The following AGTPBP1 variants were observed in gnomAD, a reference collection of about 807,000 sequenced individuals.
The protein encoded by AGTPBP1 is ATP/GTP binding carboxypeptidase 1.
AGTPBP1 carries 70 observed loss-of-function variants against 143.9 expected under a neutral mutation model. That is an observed-to-expected ratio of 0.49 (90% CI 0.40 to 0.59). The LOEUF is 0.59. Among genes scored for constraint, AGTPBP1 ranks in the 20% least tolerant of loss-of-function variants. AGTPBP1 has a pLI of 0.00. For synonymous variants in AGTPBP1, 463 were observed against 500.2 expected, an observed-to-expected ratio of 0.93 and a Z score of 0.99; for missense variants, 1,229 against 1,464.5, an observed-to-expected ratio of 0.84 and a Z score of 2.62.
intron 17 of AGTPBP1, among the ~76,000 whole-genome samples, chr9:85,611,233 G>T (rs965149175): frequency 6.1e-5 from 6 of 98,798 alleles, no homozygotes; most frequent in East Asian, 2.7e-4. Context: ...AAAAAATAAA[G>T]AAAACAATAA....
At chr9:85,706,218 T>C (rs1005439521) in intron 2 of AGTPBP1, among the ~76,000 whole-genome samples, 18 of 150,642 alleles carry the variant, frequency 1.2e-4, no homozygotes, top group African/African-American at 1.5e-4. Flanking sequence ...ATGAGACATA[T>C]AGAAAATAAA....
At chr9:85,578,784 T>C in intron 24 of AGTPBP1, 136 bp downstream of exon 24, 1 of 892,948 alleles carries the variant, frequency 1.1e-6, no homozygotes, top group Non-Finnish European at 1.6e-6. Context: ...TAAGACTGCA[T>C]ATGATTCCAT....
Position 85,655,125 on chromosome 9 carries a change from G to A in AGTPBP1, c.1087+18C>T, listed in dbSNP as rs764674272. On this transcript the variant is annotated intron_variant, in intron 11 of 25. Coordinates refer to ENST00000357081, the MANE Select transcript of AGTPBP1 (RefSeq NM_001330701.2). ...TTCTAAGAACCCACAAAAAGCAGCA[G>A]TGACCCTGTGATCCTACCTTCAGGA... 1.8e-5 allele frequency: 28 copies of A among 1,571,396 alleles called. No homozygotes were observed. Among genetic ancestry groups the A allele is most frequent in the Non-Finnish European group, 2.2e-5 (25 of 1,160,550 alleles).
At chr9:85,771,651 A>C in the AGTPBP1 span, among the ~76,000 whole-genome samples, 5 of 145,926 alleles carry the variant, frequency 3.4e-5, no homozygotes, top group South Asian at 4.3e-4. Flanking sequence ...GACATAGATA[A>C]CTTTTTTTTT....
chr9:85,759,206 G>C, the AGTPBP1 span, among the ~76,000 whole-genome samples: 1 of 152,152 alleles, frequency 6.6e-6, no homozygotes, highest in African/African-American at 2.4e-5. Context: ...ATATTAGACA[G>C]ATCCATGAGA....
chr9:85,797,028 G>A, the AGTPBP1 span, among the ~76,000 whole-genome samples: 1 of 152,012 alleles, frequency 6.6e-6, no homozygotes, highest in Admixed American at 6.6e-5. Context: ...CTCGTGATCT[G>A]CCCGCCTCGG....
chr9:85,771,306 T>TCC, the AGTPBP1 span, among the ~76,000 whole-genome samples: 1 of 152,074 alleles, frequency 6.6e-6, no homozygotes, highest in Admixed American at 6.6e-5. Flanking sequence ...TGAGATCCTA[T>TCC]CTTTACAAAA....
At chr9:85,791,323 G>A in the AGTPBP1 span, among the ~76,000 whole-genome samples, 8,200 of 151,208 alleles carry the variant, frequency 0.054, 730 homozygotes, top group African/African-American at 0.18. Flanking sequence ...GCAGTGAGCC[G>A]AGATCGCGCC....
chr9:85,704,999 A>G (rs73481003), intron 2 of AGTPBP1, among the ~76,000 whole-genome samples: 3,784 of 152,196 alleles, frequency 0.025, 161 homozygotes, highest in African/African-American at 0.087. Context: ...AGTATCCAAA[A>G]TAAAAGAGAG....
chr9:85,585,229 T>G (rs554494878), intron 23 of AGTPBP1, among the ~76,000 whole-genome samples: 18 of 152,328 alleles, frequency 1.2e-4, no homozygotes, highest in Non-Finnish European at 2.4e-4. Flanking sequence ...GAGTTAATAG[T>G]GCAAGCCAAC....
chr9:85,746,396 G>T (rs1824580594), upstream of AGTPBP1, among the ~76,000 whole-genome samples: 1 of 152,042 alleles, frequency 6.6e-6, no homozygotes, highest in South Asian at 2.1e-4. Flanking sequence ...GACAGCATAG[G>T]CATATCATTG....
chr9:85,779,718 G>C, the AGTPBP1 span, among the ~76,000 whole-genome samples: 2 of 151,982 alleles, frequency 1.3e-5, no homozygotes, highest in African/African-American at 4.8e-5. Flanking sequence ...AATTAAGCCG[G>C]GCATGGTGGC....
chr9:85,781,770 A>C, the AGTPBP1 span, among the ~76,000 whole-genome samples: 1 of 152,224 alleles, frequency 6.6e-6, no homozygotes, highest in African/African-American at 2.4e-5. Flanking sequence ...TTTATATATC[A>C]TGACCCCTGG....
chr9:85,802,113 C>G, the AGTPBP1 span, among the ~76,000 whole-genome samples: 373 of 150,798 alleles, frequency 2.5e-3, 1 homozygote, highest in African/African-American at 4.0e-3. Context: ...GTAACTACAG[C>G]TCCTCCTCTA....
intron 25 of AGTPBP1, among the ~76,000 whole-genome samples, chr9:85,552,697 C>A (rs1473671427): frequency 1.3e-5 from 2 of 152,202 alleles, no homozygotes; most frequent in African/African-American, 2.4e-5. Context: ...AACAGTAAAT[C>A]AACCTTTCTC....
intron 25 of AGTPBP1, among the ~76,000 whole-genome samples, chr9:85,566,311 G>A (rs1025677773): frequency 1.3e-5 from 2 of 151,962 alleles, no homozygotes; most frequent in Non-Finnish European, 2.9e-5. Context: ...CTCGAGCCCA[G>A]GAGTTCAAAA....
intron 17 of AGTPBP1, among the ~76,000 whole-genome samples, chr9:85,597,078 T>C (rs1358134436): frequency 1.3e-5 from 2 of 152,140 alleles, no homozygotes; most frequent in African/African-American, 2.4e-5. Flanking sequence ...ACAATTTTTA[T>C]TGAGATCTGG....
chr9:85,599,110 A>AACACACACACACACACACACAC (rs57074552), intron 17 of AGTPBP1, among the ~76,000 whole-genome samples: 10 of 135,496 alleles, frequency 7.4e-5, no homozygotes, highest in East Asian at 4.7e-4. Flanking sequence ...CTTGTCACTG[A>AACACACACACACACACACACAC]ACACACACAC....
At chr9:85,627,194 T>C (rs1831355364) in intron 14 of AGTPBP1, among the ~76,000 whole-genome samples, 1 of 152,224 alleles carries the variant, frequency 6.6e-6, no homozygotes, top group Non-Finnish European at 1.5e-5. Flanking sequence ...AACACTGGTC[T>C]AATCTTTGCT....
Sources: allele counts gnomAD v4.1 joint callset (sites outside exome capture counted in the v4.1 genomes callset), GRCh38; gene constraint gnomAD v4.1.1; transcripts MANE v1.5; gene names NCBI Gene and HGNC (gene_info 2026-07-23, HGNC 2026-07-21).